SRSF3: variants seen among roughly 807,000 people sequenced by gnomAD.
The protein encoded by SRSF3 is serine and arginine rich splicing factor 3, also known as serine/arginine-rich splicing factor 3.
For synonymous variants in SRSF3, 87 were observed against 73.6 expected, an observed-to-expected ratio of 1.18 and a Z score of -0.93; for missense variants, 58 against 217.1, an observed-to-expected ratio of 0.27 and a Z score of 4.61.
chr6:36,594,939 C>T (rs900537388), intron 1 of SRSF3, among the ~76,000 whole-genome samples: 1 of 152,156 alleles, frequency 6.6e-6, no homozygotes, highest in Non-Finnish European at 1.5e-5. Context: ...ATCTAATCAC[C>T]TTTTTCTAAG....
At chr6:36,596,640 T>A in intron 1 of SRSF3, 121 bp from the exon 2 acceptor site, 1 of 856,284 alleles carries the variant, frequency 1.2e-6, no homozygotes, top group Non-Finnish European at 1.8e-6. Context: ...TTTGTAATTT[T>A]TTTTTCTTTA....
intron 3 of SRSF3, chr6:36,599,679 C>G (rs1778686839): frequency 1.6e-6 from 1 of 620,394 alleles, no homozygotes; most frequent in Non-Finnish European, 2.6e-6. Flanking sequence ...GCCCCTTTTG[C>G]TATTTTGAAA....
chr6:36,601,358 T>G, intron 4 of SRSF3, 168 bp downstream of exon 4: 1 of 682,594 alleles, frequency 1.5e-6, no homozygotes, highest in South Asian at 2.0e-5. Flanking sequence ...TTTTAGAAAG[T>G]ATTTAATTTT....
rs1582515866 is a variant in SRSF3 at position 36,602,900 on chromosome 6, A to G, written c.*911A>G. On this transcript the variant is annotated 3_prime_UTR_variant, in exon 6 of 6. Transcript: ENST00000373715. Reference sequence around the variant, plus strand: ...TTTCTTGTAAAGTGCTTTTGAATTAATAAAATATTAGCATAATTGTGTATA... The same window carrying G: ...TTTCTTGTAAAGTGCTTTTGAATTAGTAAAATATTAGCATAATTGTGTATA... The G allele has an allele frequency of 2.8e-5, 6 of 210,730 alleles. No homozygotes were observed. The East Asian group carries it at 4.3e-4, about 15-fold the overall frequency. 13.1% of individuals were successfully genotyped at this position (210,730 alleles called of 1,614,324 possible).
At chr6:36,596,237 T>A (rs58073599) in intron 1 of SRSF3, among the ~76,000 whole-genome samples, 4,020 of 152,218 alleles carry the variant, frequency 0.026, 64 homozygotes, top group African/African-American at 0.039. Context: ...GGCATTTTTT[T>A]AAAAGTGAAA....
Position 36,603,754 on chromosome 6 carries a change from A to G in SRSF3, c.*1765A>G. ...CCTACAACCTGTTCCTGTTAGGAAC[A>G]AGCCAAGATAGCTAAGAAGTTACGG... On this transcript the variant is annotated 3_prime_UTR_variant, in exon 6 of 6. Transcript: ENST00000373715. 1 of 231,306 alleles carries G rather than the reference A, an allele frequency of 4.3e-6. No individual in the cohort carries two copies. Among genetic ancestry groups the G allele is most frequent in the African/African-American group, 2.2e-5 (1 of 45,384 alleles). 14.3% of individuals were successfully genotyped at this position (231,306 alleles called of 1,614,324 possible).
intron 3 of SRSF3, chr6:36,600,677 T>C (rs2127506175): frequency 6.5e-6 from 1 of 153,790 alleles, no homozygotes; most frequent in East Asian, 1.9e-4. Flanking sequence ...AGTTCTAATG[T>C]AGCACTTAAT....
Position 36,605,296 on chromosome 6 carries a change from C to T in SRSF3, c.*3307C>T, listed in dbSNP as rs1778791071. 1 of 152,074 alleles carries T rather than the reference C, an allele frequency of 6.6e-6. No individual in the cohort carries two copies. Among genetic ancestry groups the T allele is most frequent in the Admixed American group, 6.6e-5 (1 of 15,260 alleles). The allele number at this position is 152,074 out of a possible 1,614,324, so 9.4% of individuals were successfully genotyped here. A position where few individuals can be genotyped will look rare whatever the true frequency, so the allele number is the denominator to read the frequency against. ...CTTGTGGTCAGGAGTTGGAGACCAG[C>T]TTGGTCAACATGGTGAAACCCCGTC... On this transcript the variant is annotated 3_prime_UTR_variant, in exon 6 of 6. Coordinates refer to ENST00000373715, the MANE Select transcript of SRSF3 (RefSeq NM_003017.5).
intron 3 of SRSF3, chr6:36,600,880 T>C (rs2127506231): frequency 6.2e-6 from 2 of 320,090 alleles, no homozygotes; most frequent in South Asian, 7.1e-5. Flanking sequence ...AAGTTTTGCA[T>C]TGGACAGATC....
Position 36,602,215 on chromosome 6 carries a change from A to AT in SRSF3, c.*227dup, listed in dbSNP as rs1354973494. The AT allele has an allele frequency of 2.3e-6, 2 of 861,578 alleles. No homozygotes were observed. Among genetic ancestry groups the AT allele is most frequent in the East Asian group, 3.0e-5 (1 of 33,290 alleles). 53.4% of individuals were successfully genotyped at this position (861,578 alleles called of 1,614,324 possible). A position where few individuals can be genotyped will look rare whatever the true frequency, so the allele number is the denominator to read the frequency against. On this transcript the variant is annotated 3_prime_UTR_variant, in exon 6 of 6. Transcript: ENST00000373715. The stretch of plus-strand genomic sequence containing the variant: ...TAATACCAAGAATTGTTACTTTACA[A>AT]TGTTCCCTTAAGCAAAATTGAATTT...
At chr6:36,601,663 A>G in intron 4 of SRSF3, 45 bp from the exon 5 acceptor site, 1 of 1,502,596 alleles carries the variant, frequency 6.7e-7, no homozygotes, top group Non-Finnish European at 9.1e-7. Context: ...TTTATGTATA[A>G]TTTTATCATA....
At chr6:36,595,686 A>C (rs555038384) in intron 1 of SRSF3, among the ~76,000 whole-genome samples, 4 of 152,210 alleles carry the variant, frequency 2.6e-5, no homozygotes, top group African/African-American at 9.7e-5. Flanking sequence ...AATAATACTC[A>C]TTTTATGTCT....
At chr6:36,595,459 C>A (rs1020958331) in intron 1 of SRSF3, among the ~76,000 whole-genome samples, 1 of 152,210 alleles carries the variant, frequency 6.6e-6, no homozygotes, top group Non-Finnish European at 1.5e-5. Flanking sequence ...TCACCTCCCC[C>A]CGCAGGAGAC....
chr6:36,595,946 A>G (rs1778620472), intron 1 of SRSF3, among the ~76,000 whole-genome samples: 1 of 151,528 alleles, frequency 6.6e-6, no homozygotes, highest in Non-Finnish European at 1.5e-5. Context: ...TTTTTTGGCG[A>G]TGGAATCTCG....
intron 1 of SRSF3, among the ~76,000 whole-genome samples, chr6:36,596,085 C>T (rs933346976): frequency 1.3e-5 from 2 of 151,800 alleles, no homozygotes; most frequent in African/African-American, 2.4e-5. Context: ...CCACCATGCC[C>T]GGCTAATTTT....
rs983581489 is a variant in SRSF3, at chr6:36,595,697, A to G, written c.-2-1064A>G. On this transcript the variant is annotated intron_variant, in intron 1 of 5. Transcript: ENST00000373715. ...TCTGAATAATACTCATTTTATGTCT[A>G]TACCACATTTTGCTTATCCGTTTCT... Among the ~76,000 whole-genome samples the G allele has an allele frequency of 4.6e-5, 7 of 152,326 alleles. No individual in the cohort carries two copies. The South Asian group carries it at 1.0e-3, about 23-fold the overall frequency.
At chr6:36,597,662 T>C (rs954717558) in intron 2 of SRSF3, among the ~76,000 whole-genome samples, 1 of 152,062 alleles carries the variant, frequency 6.6e-6, no homozygotes, top group African/African-American at 2.4e-5. Flanking sequence ...GAGTGTTCAC[T>C]GTAAAGCTGC....
intron 1 of SRSF3, among the ~76,000 whole-genome samples, chr6:36,596,164 C>T: frequency 6.6e-6 from 1 of 152,094 alleles, no homozygotes. Context: ...CCTCGTGATT[C>T]GCCCGCCTCG....
chr6:36,596,571 T>TGGGGGGG (rs1562011746), intron 1 of SRSF3, among the ~76,000 whole-genome samples, 190 bp from the exon 2 acceptor site: 1 of 13,790 alleles, frequency 7.3e-5, no homozygotes, highest in African/African-American at 2.3e-4. Context: ...TGGGGCGGGG[T>TGGGGGGG]GGCGGGGGGG....
Sources: gnomAD v4.1 joint callset for allele counts (sites outside exome capture counted in the v4.1 genomes callset) on GRCh38, gnomAD v4.1.1 for gene constraint, MANE v1.5 for transcripts, NCBI Gene and HGNC (gene_info 2026-07-23, HGNC 2026-07-21) for gene names.